The following XPC variants were observed in gnomAD, a reference collection of about 807,000 sequenced individuals.
XPC encodes the protein XPC complex subunit, DNA damage recognition and repair factor.
XPC carries 76 observed loss-of-function variants against 95.8 expected under a neutral mutation model. The observed-to-expected ratio is 0.79, with a 90% CI of 0.66 to 0.96. The LOEUF (loss-of-function observed/expected upper bound fraction) is 0.96, where lower values mean the gene tolerates loss of function less well. XPC is among the 40% of genes least tolerant of loss of function. XPC has a pLI of 0.00. For synonymous variants in XPC, 442 were observed against 442.1 expected (o/e 1.00, Z 0.00); for missense variants, 1,146 against 1,179.8 (o/e 0.97, Z 0.42).
chr3:14,167,197 T>A lies in XPC; in HGVS notation c.593A>T (p.Asn198Ile), dbSNP rs146718029. The change falls in exon 5 of 16, where the codon AAT becomes ATT. Residue 198 changes from asparagine to isoleucine, a missense_variant. Asn to Ile is a moderately radical substitution (Grantham distance 149). Coordinates refer to ENST00000285021, the MANE Select transcript of XPC (RefSeq NM_004628.5). ...GTGTGTGTCCTCATGGACCCCTTTA[T>A]TGAAACGTTTCATCGCCCTCCGAAG... ...TYLRRAMKRFNKGVHEDTHKV... is the reference protein window; with the variant it reads ...TYLRRAMKRFIKGVHEDTHKV... 1 of 1,610,234 alleles carries A rather than the reference T, an allele frequency of 6.2e-7. No individual in the cohort carries two copies. The highest frequency in any genetic ancestry group is 1.7e-5 in the Admixed American group (1 of 59,632).
chr3:14,164,713 T>C (rs940538536), intron 7 of XPC, 100 bp downstream of exon 7: 1 of 1,239,992 alleles, frequency 8.1e-7, no homozygotes, highest in African/African-American at 1.5e-5. Flanking sequence ...CTGAATAAGG[T>C]AGTGTCGGTA....
At position 14,146,155 on chromosome 3, in the gene XPC, T is replaced by C; in HGVS notation, c.2609A>G (p.Glu870Gly). The C allele has an allele frequency of 6.2e-7, 1 of 1,606,590 alleles. No homozygotes were observed. Among genetic ancestry groups the C allele is most frequent in the Non-Finnish European group, 8.5e-7 (1 of 1,177,554 alleles). Residue 870 changes from glutamate to glycine, a missense_variant, in exon 16 of 16, where the codon GAG (glutamate) becomes GGG (glycine). Physicochemically the swap from Glu to Gly is moderately conservative, Grantham distance 98 (BLOSUM62 -2). Coordinates refer to ENST00000285021, the MANE Select transcript of XPC (RefSeq NM_004628.5). ...TGCATCTGTGTGGGGAGCTGCTGCCTCACTCTGGACAGGTGGCAGTGGTGG... is the reference window on the plus strand; with the variant it reads ...TGCATCTGTGTGGGGAGCTGCTGCCCCACTCTGGACAGGTGGCAGTGGTGG... Reference protein sequence around the residue: ...RLKRRYGPKSEAAAPHTDAGG... With the variant: ...RLKRRYGPKSGAAAPHTDAGG...
At chr3:14,169,400 A>C (rs1048580070) in intron 3 of XPC, among the ~76,000 whole-genome samples, 2 of 152,258 alleles carry the variant, frequency 1.3e-5, no homozygotes, top group Non-Finnish European at 2.9e-5. Context: ...GTGACTGTTT[A>C]TCAGACAAAA....
chr3:14,146,593 G>A (rs1695446694), intron 15 of XPC, among the ~76,000 whole-genome samples: 1 of 152,210 alleles, frequency 6.6e-6, no homozygotes, highest in African/African-American at 2.4e-5. Context: ...TGGCTAGGGA[G>A]GGTTTGGATG....
At chr3:14,155,804 C>T (rs1009765775) in intron 10 of XPC, among the ~76,000 whole-genome samples, 12 of 152,152 alleles carry the variant, frequency 7.9e-5, no homozygotes, top group Admixed American at 2.6e-4. Context: ...GGGATCCGCC[C>T]GCCTCGGCCT....
chr3:14,164,658 T>G (rs1337284547), intron 7 of XPC, 155 bp downstream of exon 7: 5 of 702,540 alleles, frequency 7.1e-6, no homozygotes, highest in Non-Finnish European at 1.1e-5. Context: ...AGAGGCATCA[T>G]GTAGCTATTC....
chr3:14,162,864 T>A (rs1431266477), intron 7 of XPC, among the ~76,000 whole-genome samples: 3 of 152,196 alleles, frequency 2.0e-5, no homozygotes, highest in African/African-American at 4.8e-5. Context: ...GTGGAAAGCA[T>A]GTATCTGATA....
In XPC at chr3:14,158,706, GTTTC is replaced by G. The variant is rs1559376080; in HGVS notation, c.1173_1176del (p.Lys391AsnfsTer134). The G allele has an allele frequency of 1.9e-6, 3 of 1,613,848 alleles. No individual in the cohort carries two copies. Among genetic ancestry groups the G allele is most frequent in the Non-Finnish European group, 2.5e-6 (3 of 1,179,886 alleles). On this transcript the variant is annotated frameshift_variant, in exon 9 of 16. Coordinates refer to ENST00000285021, the MANE Select transcript of XPC (RefSeq NM_004628.5). LOFTEE classifies it high-confidence loss of function. This position sits in a 1 kb window ranked among gnomAD's most constrained non-coding sequence, Gnocchi z 5.2. ...TCCTCGCTGGAGGAGGGCTTGCTCC[GTTTC>G]TTTCTGCCTCCCTTGTTCCTCTTCC...
At position 14,158,503 on chromosome 3, in the gene XPC, G is replaced by A. The variant is rs368720977; in HGVS notation, c.1380C>T (p.Ser460=). The A allele has an allele frequency of 2.5e-6, 4 of 1,611,998 alleles. No individual in the cohort carries two copies. The highest frequency in any genetic ancestry group is 3.4e-6 in the Non-Finnish European group (4 of 1,178,732). ...GEASDPSDED[S]EPGPPKQRKA... is the part of the protein sequence containing the mutation. ...TCCTCTGCTTTGGAGGGCCAGGTTC[G>A]GAATCCTCATCAGAGGGATCAGAGG... The change falls in exon 9 of 16, where the codon TCC becomes TCT. Residue 460 remains serine, a synonymous_variant. Coordinates refer to ENST00000285021, the MANE Select transcript of XPC (RefSeq NM_004628.5). The surrounding 1 kb of genome is among the most constrained non-coding windows in gnomAD (Gnocchi z 5.2).
At chr3:14,160,976 G>C (rs1252188932) in intron 7 of XPC, among the ~76,000 whole-genome samples, 1 of 152,166 alleles carries the variant, frequency 6.6e-6, no homozygotes, top group Admixed American at 6.5e-5. Flanking sequence ...ACAGTCTAGT[G>C]CTACCCAAGC....
intron 7 of XPC, chr3:14,164,596 C>G: frequency 4.0e-6 from 2 of 495,810 alleles, no homozygotes; most frequent in Non-Finnish European, 6.9e-6. Context: ...AGGCCCTCCA[C>G]TCAGACTCTG....
chr3:14,149,380 C>T lies in XPC; in HGVS notation c.2116-432G>A, dbSNP rs543633036. 65 of 169,228 alleles carry T rather than the reference C, an allele frequency of 3.8e-4. 2 individuals carry two copies. In the South Asian group the frequency reaches 8.9e-3, roughly 23 times the overall value. 10.5% of individuals were successfully genotyped at this position (169,228 alleles called of 1,614,324 possible). On this transcript the variant is annotated intron_variant, in intron 11 of 15. Transcript: ENST00000285021. ...GATTACAGGCGTGAGCCACCGTGCC[C>T]GGCTGCTCCCCTTTTCTTACTACAA...
chr3:14,159,692 C>T (rs375430489), intron 8 of XPC, 49 bp downstream of exon 8: 1 of 1,499,764 alleles, frequency 6.7e-7, no homozygotes, highest in Non-Finnish European at 9.1e-7. Flanking sequence ...TTAAGTGTGA[C>T]AATTTCCTGT....
intron 1 of XPC, among the ~76,000 whole-genome samples, chr3:14,173,527 A>C (rs1003052987): frequency 8.5e-5 from 13 of 152,216 alleles, no homozygotes; most frequent in Admixed American, 7.9e-4. Context: ...AACCTTCAAG[A>C]CCAAACTGCT....
chr3:14,169,162 C>T (rs3731089), intron 3 of XPC, among the ~76,000 whole-genome samples: 11,527 of 152,130 alleles, frequency 0.076, 479 homozygotes, highest in South Asian at 0.11. Flanking sequence ...ACTAATGAGG[C>T]CATGTCAAAA....
intron 15 of XPC, among the ~76,000 whole-genome samples, chr3:14,146,383 G>A (rs1192274124): frequency 6.6e-6 from 1 of 152,144 alleles, no homozygotes; most frequent in Non-Finnish European, 1.5e-5. Flanking sequence ...CGAGCTGAGT[G>A]CAGGGGAACA....
At chr3:14,157,144 A>C (rs1431333423) in intron 9 of XPC, among the ~76,000 whole-genome samples, 1 of 152,202 alleles carries the variant, frequency 6.6e-6, no homozygotes, top group Admixed American at 6.5e-5. Context: ...CGCTTTAGGT[A>C]GGTTAGTTAC....
intron 10 of XPC, chr3:14,152,792 A>G (rs1331825522): frequency 2.1e-5 from 4 of 187,504 alleles, no homozygotes; most frequent in Admixed American, 6.3e-5. Context: ...CCACCAAGCG[A>G]ACACCTGCTG....
At chr3:14,169,397 T>C (rs1393066586) in intron 3 of XPC, among the ~76,000 whole-genome samples, 1 of 152,200 alleles carries the variant, frequency 6.6e-6, no homozygotes, top group Non-Finnish European at 1.5e-5. Flanking sequence ...TGTGTGACTG[T>C]TTATCAGACA....
Sources: allele counts gnomAD v4.1 joint callset (sites outside exome capture counted in the v4.1 genomes callset), GRCh38; gene constraint gnomAD v4.1.1; non-coding constraint Gnocchi (gnomAD v3.1); transcripts MANE v1.5; gene names NCBI Gene and HGNC (gene_info 2026-07-23, HGNC 2026-07-21).